RORB: variants seen among roughly 807,000 people sequenced by gnomAD.
The protein encoded by RORB is nuclear receptor ROR-beta.
In RORB, 6 loss-of-function variants were observed where a neutral mutation model predicts 59.1. That is an observed-to-expected ratio of 0.10 (90% CI 0.06 to 0.20). The LOEUF (loss-of-function observed/expected upper bound fraction) is 0.20, where lower values mean the gene tolerates loss of function less well. Among genes scored for constraint, RORB ranks in the 10% least tolerant of loss-of-function variants. RORB has a pLI of 1.00. For synonymous variants in RORB, 215 were observed against 204.5 expected (o/e 1.05, Z -0.44); for missense variants, 320 against 560.5 (o/e 0.57, Z 4.33).
At chr9:74,553,548 G>C (rs1023490295) in intron 1 of RORB, among the ~76,000 whole-genome samples, 1 of 150,980 alleles carries the variant, frequency 6.6e-6, no homozygotes, top group Non-Finnish European at 1.5e-5. Context: ...CAACAGTGAG[G>C]TGAAATTTAT....
intron 1 of RORB, among the ~76,000 whole-genome samples, chr9:74,535,538 G>A (rs1346700572): frequency 2.0e-5 from 3 of 151,124 alleles, no homozygotes; most frequent in Non-Finnish European, 3.0e-5. Flanking sequence ...AATCAATACC[G>A]CCCCCCCACC....
intron 3 of RORB, among the ~76,000 whole-genome samples, chr9:74,641,078 T>C (rs543855559): frequency 6.6e-6 from 1 of 152,242 alleles, no homozygotes; most frequent in South Asian, 2.1e-4. Context: ...CACCAAGAGG[T>C]GGTGGGAATA....
intron 1 of RORB, among the ~76,000 whole-genome samples, chr9:74,555,314 C>A (rs1222899090): frequency 6.6e-6 from 1 of 152,120 alleles, no homozygotes; most frequent in Non-Finnish European, 1.5e-5. Context: ...TTTGTCCTAG[C>A]AGTGATTTAG....
intron 4 of RORB, among the ~76,000 whole-genome samples, chr9:74,643,534 G>A (rs1563962375): frequency 1.3e-5 from 2 of 152,170 alleles, no homozygotes; most frequent in Non-Finnish European, 2.9e-5. Flanking sequence ...CTGCAACTTT[G>A]TTTTACTCCA....
At chr9:74,613,101 G>C (rs893180588) in intron 1 of RORB, among the ~76,000 whole-genome samples, 2 of 152,108 alleles carry the variant, frequency 1.3e-5, no homozygotes, top group Non-Finnish European at 2.9e-5. Context: ...ATGATAACCA[G>C]AGTCAACAGC....
rs540711828 is a variant in RORB, at chr9:74,668,937, A to AG, written c.1111+1038dup. ...CATACTGAAGACTGCCCAGTAGAAG[A>AG]GGAAAAACTTCAGACATGGAGGTGG... On this transcript the variant is annotated intron_variant, in intron 8 of 9. Transcript: ENST00000376896. Among the ~76,000 whole-genome samples the AG allele has an allele frequency of 9.0e-4, 137 of 152,330 alleles. 4 individuals carry two copies. In the South Asian group the frequency reaches 0.027, roughly 30 times the overall value.
At chr9:74,632,836 T>C (rs12345671) in intron 2 of RORB, among the ~76,000 whole-genome samples, 2,437 of 152,260 alleles carry the variant, frequency 0.016, 57 homozygotes, top group African/African-American at 0.052. Context: ...TCATGGTATA[T>C]AAAGTACATC....
intron 2 of RORB, among the ~76,000 whole-genome samples, chr9:74,631,539 A>G (rs1823619382): frequency 6.6e-6 from 1 of 152,222 alleles, no homozygotes; most frequent in African/African-American, 2.4e-5. Context: ...AAATACTGGT[A>G]CTGTGTGATA....
chr9:74,504,172 G>A (rs1022133815), intron 1 of RORB, among the ~76,000 whole-genome samples: 1 of 151,972 alleles, frequency 6.6e-6, no homozygotes, highest in Non-Finnish European at 1.5e-5. Flanking sequence ...GTGCATATCT[G>A]AGGAGCAAGA....
At chr9:74,568,835 T>C (rs184001807) in intron 1 of RORB, among the ~76,000 whole-genome samples, 1 of 152,208 alleles carries the variant, frequency 6.6e-6, no homozygotes, top group Admixed American at 6.5e-5. Context: ...TTTATAAGTA[T>C]AAATGTATAT....
intron 1 of RORB, among the ~76,000 whole-genome samples, chr9:74,574,303 T>C (rs11144013): frequency 0.13 from 19,069 of 152,158 alleles, 1,453 homozygotes; most frequent in Admixed American, 0.2. Context: ...ATGATCTTAA[T>C]TGACAGAAAG....
chr9:74,621,903 C>G (rs1188132194), intron 1 of RORB, among the ~76,000 whole-genome samples: 2 of 152,160 alleles, frequency 1.3e-5, no homozygotes, highest in Non-Finnish European at 2.9e-5. Context: ...TATTTTGCCA[C>G]TTTTTGAATT....
chr9:74,576,672 T>G (rs1474531369), intron 1 of RORB, among the ~76,000 whole-genome samples: 1 of 152,146 alleles, frequency 6.6e-6, no homozygotes, highest in Non-Finnish European at 1.5e-5. Flanking sequence ...GTGTATATTT[T>G]TTGAACCCGC....
chr9:74,511,670 G>A (rs906000609), intron 1 of RORB, among the ~76,000 whole-genome samples: 6 of 150,154 alleles, frequency 4.0e-5, no homozygotes, highest in African/African-American at 1.5e-4. Flanking sequence ...ATAGTAATAA[G>A]GCTATGCTTT....
chr9:74,552,745 T>C (rs1161532904), intron 1 of RORB, among the ~76,000 whole-genome samples: 1 of 152,032 alleles, frequency 6.6e-6, no homozygotes, highest in African/African-American at 2.4e-5. Context: ...GCTCTCAGTA[T>C]AAGGCGGTCA....
intron 1 of RORB, among the ~76,000 whole-genome samples, chr9:74,543,802 A>G (rs1178369932): frequency 2.0e-5 from 3 of 152,014 alleles, no homozygotes; most frequent in Non-Finnish European, 2.9e-5. Flanking sequence ...CTTTGTAGTA[A>G]TGCAAAGGAA....
At chr9:74,498,335 G>C (rs926388187) in intron 1 of RORB, 1 of 277,308 alleles carries the variant, frequency 3.6e-6, no homozygotes, top group African/African-American at 2.2e-5. Context: ...GATGCCTCTG[G>C]ACAGGAGCAG....
intron 3 of RORB, among the ~76,000 whole-genome samples, chr9:74,635,189 G>C (rs1250972813): frequency 6.6e-6 from 1 of 152,156 alleles, no homozygotes; most frequent in Non-Finnish European, 1.5e-5. Context: ...TTACTGTGTG[G>C]AGACACTAAG....
chr9:74,603,848 G>A (rs1823106397), intron 1 of RORB, among the ~76,000 whole-genome samples: 1 of 152,194 alleles, frequency 6.6e-6, no homozygotes, highest in African/African-American at 2.4e-5. Flanking sequence ...CCACTAGAAA[G>A]TGATAATGGG....
Sources: allele counts gnomAD v4.1 joint callset (sites outside exome capture counted in the v4.1 genomes callset), GRCh38; gene constraint gnomAD v4.1.1; transcripts MANE v1.5; gene names NCBI Gene and HGNC (gene_info 2026-07-23, HGNC 2026-07-21).